The following MYO5B variants were observed in gnomAD, a reference collection of about 807,000 sequenced individuals.
MYO5B encodes the protein unconventional myosin-Vb.
In MYO5B, 143 loss-of-function variants were observed where a neutral mutation model predicts 229.3. That is an observed-to-expected ratio of 0.62 (90% CI 0.54 to 0.72). The LOEUF is 0.72. MYO5B is among the 30% of genes least tolerant of loss of function. The pLI is 0.00. For synonymous variants in MYO5B, 918 were observed against 885.2 expected, an observed-to-expected ratio of 1.04 and a Z score of -0.66; for missense variants, 2,321 against 2,331.0, an observed-to-expected ratio of 1.00 and a Z score of 0.09.
intron 39 of MYO5B, among the ~76,000 whole-genome samples, chr18:49,828,255 C>G (rs2023870285): frequency 6.6e-6 from 1 of 152,142 alleles, no homozygotes; most frequent in Non-Finnish European, 1.5e-5. Context: ...AGCTCAAATC[C>G]TGAAAGGAAA....
At chr18:49,997,737 G>A (rs927752043) in intron 5 of MYO5B, among the ~76,000 whole-genome samples, 31 of 152,146 alleles carry the variant, frequency 2.0e-4, no homozygotes, top group African/African-American at 6.0e-4. Flanking sequence ...TCCTCAAGTC[G>A]CCTTTAATTC....
intron 4 of MYO5B, among the ~76,000 whole-genome samples, chr18:50,018,670 G>A (rs933406931): frequency 1.3e-5 from 2 of 152,158 alleles, no homozygotes; most frequent in African/African-American, 4.8e-5. Context: ...ACTTGCCTGA[G>A]GTCACACAGC....
intron 17 of MYO5B, among the ~76,000 whole-genome samples, chr18:49,922,585 T>C (rs1464076487): frequency 6.6e-6 from 1 of 152,006 alleles, no homozygotes; most frequent in East Asian, 1.9e-4. Context: ...ACATTTCAAA[T>C]AGCAGTTTGG....
intron 10 of MYO5B, among the ~76,000 whole-genome samples, chr18:49,974,066 G>C (rs1376317333): frequency 6.6e-6 from 1 of 152,160 alleles, no homozygotes; most frequent in Non-Finnish European, 1.5e-5. Context: ...ACTTTCTCAG[G>C]TGTAAAAACT....
chr18:50,142,948 G>C (rs143872978), intron 1 of MYO5B, among the ~76,000 whole-genome samples: 4 of 152,350 alleles, frequency 2.6e-5, no homozygotes, highest in Admixed American at 1.3e-4. Context: ...GAAAGAGTAT[G>C]AATCACAGAA....
intron 1 of MYO5B, among the ~76,000 whole-genome samples, chr18:50,124,492 A>G (rs1463447584): frequency 6.6e-6 from 1 of 151,394 alleles, no homozygotes; most frequent in Non-Finnish European, 1.5e-5. Flanking sequence ...GGAAAGTGTG[A>G]TTGTCTACTT....
chr18:50,104,356 A>T (rs116110587), intron 1 of MYO5B, among the ~76,000 whole-genome samples: 1 of 150,784 alleles, frequency 6.6e-6, no homozygotes, highest in African/African-American at 2.4e-5. Flanking sequence ...AATTCAAAAA[A>T]ATTTACCAAT....
intron 22 of MYO5B, among the ~76,000 whole-genome samples, chr18:49,891,432 T>C (rs2024713494): frequency 6.6e-6 from 1 of 152,154 alleles, no homozygotes; most frequent in African/African-American, 2.4e-5. Flanking sequence ...CCCCACACAT[T>C]TAAGCTCCTT....
At chr18:49,839,053 C>A in intron 36 of MYO5B, 91 bp downstream of exon 36, 1 of 1,521,092 alleles carries the variant, frequency 6.6e-7, no homozygotes. Flanking sequence ...GCTAAGATAT[C>A]TGGTTCCCGA....
chr18:49,852,789 G>A (rs1452598595), intron 31 of MYO5B, among the ~76,000 whole-genome samples: 1 of 152,096 alleles, frequency 6.6e-6, no homozygotes, highest in African/African-American at 2.4e-5. Context: ...CAAGCCTCAT[G>A]TCCTCCCAAA....
At chr18:50,034,213 G>A (rs1009203499) in intron 4 of MYO5B, among the ~76,000 whole-genome samples, 5 of 152,188 alleles carry the variant, frequency 3.3e-5, no homozygotes, top group Admixed American at 6.5e-5. Flanking sequence ...TTATTTCAAT[G>A]ACTACTGATG....
Position 50,177,395 on chromosome 18 carries a change from TTA to T in MYO5B, c.27+17370_27+17371del, listed in dbSNP as rs1279380969. On this transcript the variant is annotated intron_variant, in intron 1 of 39. Transcript: ENST00000285039. ...AATGCTTTTAACAGCTTGTAAACGT[TTA>T]TGTTTTGGTTTTTATATACTCCCGT... Among the ~76,000 whole-genome samples, 3 of 152,136 alleles carry T rather than the reference TTA, an allele frequency of 2.0e-5. No homozygotes were observed. The East Asian group carries it at 5.8e-4, about 29-fold the overall frequency.
Position 50,035,496 on chromosome 18 carries a change from G to C in MYO5B, c.455+1354C>G, listed in dbSNP as rs114365366. On this transcript the variant is annotated intron_variant, in intron 4 of 39. Coordinates refer to ENST00000285039, the MANE Select transcript of MYO5B (RefSeq NM_001080467.3). ...TCTTCCAAAGCACAGAATCCGTTCA[G>C]TCCCAAGGCCTCCCTCCTCTGTGCC... Among the ~76,000 whole-genome samples the C allele has an allele frequency of 9.2e-3, 1,400 of 152,308 alleles. 18 individuals are homozygous for C. Among genetic ancestry groups the C allele is most frequent in the African/African-American group, 0.031 (1,297 of 41,560 alleles).
At chr18:50,183,827 A>G (rs1201207234) in intron 1 of MYO5B, among the ~76,000 whole-genome samples, 1 of 152,020 alleles carries the variant, frequency 6.6e-6, no homozygotes, top group Non-Finnish European at 1.5e-5. Context: ...CATGGTAGTG[A>G]GTTCTCACTA....
chr18:50,131,044 T>A (rs908278977), intron 1 of MYO5B, among the ~76,000 whole-genome samples: 3 of 152,282 alleles, frequency 2.0e-5, no homozygotes, highest in African/African-American at 7.2e-5. Context: ...TCTTCAATTC[T>A]TACAACTGAT....
intron 1 of MYO5B, among the ~76,000 whole-genome samples, chr18:50,159,615 C>G (rs533307473): frequency 1.2e-4 from 19 of 152,144 alleles, no homozygotes; most frequent in Non-Finnish European, 1.0e-4. Flanking sequence ...AATCCCAAAT[C>G]CTCCCCCACA....
At chr18:50,035,132 G>T (rs763121459) in intron 4 of MYO5B, among the ~76,000 whole-genome samples, 4 of 152,196 alleles carry the variant, frequency 2.6e-5, no homozygotes, top group African/African-American at 7.2e-5. Flanking sequence ...AAGAACAGAG[G>T]AATCTTGTCA....
intron 14 of MYO5B, among the ~76,000 whole-genome samples, chr18:49,938,480 C>T (rs1471732275): frequency 6.6e-6 from 1 of 152,100 alleles, no homozygotes; most frequent in South Asian, 2.1e-4. Context: ...AACATACAGG[C>T]CCCATTCACT....
intron 4 of MYO5B, among the ~76,000 whole-genome samples, chr18:50,007,601 T>C (rs1449228150): frequency 1.3e-5 from 2 of 152,196 alleles, no homozygotes; most frequent in African/African-American, 4.8e-5. Context: ...CTTCAGTGCA[T>C]GCCACTCTTC....
Sources: gnomAD v4.1 joint callset for allele counts (sites outside exome capture counted in the v4.1 genomes callset) on GRCh38, gnomAD v4.1.1 for gene constraint, MANE v1.5 for transcripts, NCBI Gene and HGNC (gene_info 2026-07-23, HGNC 2026-07-21) for gene names.